Variants in TNKS1BP1 observed in about 807,000 individuals in gnomAD.
TNKS1BP1 encodes the protein CCR4-NOT transcription complex subunit 12, also known as 182 kDa tankyrase-1-binding protein.
A neutral mutation model predicts 141.1 loss-of-function variants in TNKS1BP1; 48 were observed. The ratio of observed to expected loss-of-function variants is 0.34; its 90% CI spans 0.27 to 0.43. The LOEUF (loss-of-function observed/expected upper bound fraction) is 0.43, where lower values mean the gene tolerates loss of function less well. TNKS1BP1 is among the 20% of genes least tolerant of loss of function. The probability of loss-of-function intolerance (pLI) is 1.00; values close to 1 mark genes in which losing one functional copy is unlikely to be tolerated. For missense variants in TNKS1BP1, 2,149 were observed against 2,226.0 expected (o/e 0.97, Z 0.70); for synonymous variants, 875 against 898.2 (o/e 0.97, Z 0.46).
At chr11:57,305,226 T>C (rs1855590936) in intron 6 of TNKS1BP1, among the ~76,000 whole-genome samples, 1 of 152,228 alleles carries the variant, frequency 6.6e-6, no homozygotes, top group Non-Finnish European at 1.5e-5. Context: ...CACAAGTTAT[T>C]TGTCCCACTC....
At chr11:57,301,664 G>T in intron 9 of TNKS1BP1, 143 bp downstream of exon 9, 1 of 1,154,286 alleles carries the variant, frequency 8.7e-7, no homozygotes, top group Non-Finnish European at 1.2e-6. Flanking sequence ...ATCTTCTGGA[G>T]CCCTCGATGG....
intron 4 of TNKS1BP1, among the ~76,000 whole-genome samples, chr11:57,317,616 C>A (rs1220950967): frequency 1.3e-5 from 2 of 152,214 alleles, no homozygotes; most frequent in African/African-American, 4.8e-5. Context: ...GGCCTCATGG[C>A]CTTAACCACA....
rs367695396 is a variant in TNKS1BP1, at chr11:57,321,892, C to T, written c.-7G>A. 22 of 1,613,780 alleles carry T rather than the reference C, an allele frequency of 1.4e-5. No homozygotes were observed. Among genetic ancestry groups the T allele is most frequent in the African/African-American group, 1.1e-4 (8 of 74,894 alleles). Reference sequence around the variant, plus strand: ...TGAGAGTAGACACTTTCATCACATGCGGCAGACCCTCCTTGAGAGCGGGGA... The same window carrying T: ...TGAGAGTAGACACTTTCATCACATGTGGCAGACCCTCCTTGAGAGCGGGGA... On this transcript the variant is annotated 5_prime_UTR_variant, in exon 2 of 12. Coordinates refer to ENST00000358252, the MANE Select transcript of TNKS1BP1 (RefSeq NM_033396.3).
chr11:57,324,525 A>G, intron 1 of TNKS1BP1, among the ~76,000 whole-genome samples: 1 of 150,512 alleles, frequency 6.6e-6, no homozygotes, highest in African/African-American at 2.4e-5. Flanking sequence ...GAGGAAGGGG[A>G]GGCAGGGGTC....
At position 57,309,035 on chromosome 11, in the gene TNKS1BP1, CCTT is replaced by C; in HGVS notation, c.3673_3675del (p.Lys1225del). The stretch of plus-strand genomic sequence containing the variant: ...TTCACATTAACATCAGAAGTCCAGT[CCTT>C]CTCCCCAACTCCGATTCCCCCCGGC... On this transcript the variant is annotated inframe_deletion, in exon 6 of 12. Coordinates refer to ENST00000358252, the MANE Select transcript of TNKS1BP1 (RefSeq NM_033396.3). This position sits in a 1 kb window ranked among gnomAD's most constrained non-coding sequence, Gnocchi z 4.3. 6.2e-7 allele frequency: 1 copy of C among 1,614,190 alleles called. No individual in the cohort carries two copies. Among genetic ancestry groups the C allele is most frequent in the Non-Finnish European group, 8.5e-7 (1 of 1,180,022 alleles).
chr11:57,306,920 T>TGGGG (rs1565039405), intron 6 of TNKS1BP1, among the ~76,000 whole-genome samples: 104 of 31,064 alleles, frequency 3.3e-3, no homozygotes, highest in African/African-American at 7.7e-3. Context: ...GGGGGTTGGG[T>TGGGG]GGGAGGGGGG....
At position 57,301,957 on chromosome 11, in the gene TNKS1BP1, G is replaced by C; in HGVS notation, c.4835-14C>G. The C allele has an allele frequency of 6.2e-7, 1 of 1,612,352 alleles. No homozygotes were observed. The highest frequency in any genetic ancestry group is 8.5e-7 in the Non-Finnish European group (1 of 1,178,734). On this transcript the variant is annotated splice_polypyrimidine_tract_variant and intron_variant, in intron 8 of 11. Coordinates refer to ENST00000358252, the MANE Select transcript of TNKS1BP1 (RefSeq NM_033396.3). ...ATGCCCGTGGCTCTGCAAAGGCCCG[G>C]GAAAGGGGCTCAGAAAAGGCAGCAC...
At position 57,317,839 on chromosome 11, in the gene TNKS1BP1, G is replaced by A. The variant is rs753486283; in HGVS notation, c.777C>T (p.Ala259=). The A allele has an allele frequency of 3.7e-6, 6 of 1,613,840 alleles. No individual in the cohort carries two copies. Among genetic ancestry groups the A allele is most frequent in the South Asian group, 3.3e-5 (3 of 91,086 alleles). ...TCACATCAGCAGGTAGCTCCGAGCT[G>A]GCTGCCTTAGCCAGGTCCCCGTTGA... ...LAFNGDLAKA[A]SSELPADISK... is the part of the protein sequence containing the mutation. The change falls in exon 4 of 12, where the codon GCC becomes GCT. Residue 259 remains alanine (A), a synonymous_variant. Transcript: ENST00000358252.
In TNKS1BP1 at chr11:57,308,512, C is replaced by A; in HGVS notation, c.4199G>T (p.Gly1400Val). The A allele has an allele frequency of 6.2e-7, 1 of 1,614,174 alleles. No individual in the cohort carries two copies. Among genetic ancestry groups the A allele is most frequent in the Non-Finnish European group, 8.5e-7 (1 of 1,180,036 alleles). The change falls in exon 6 of 12, where the codon GGG (glycine) becomes GTG (valine). Residue 1400 changes from glycine to valine, a missense_variant. Physicochemically the swap from Gly to Val is moderately radical, Grantham distance 109. Coordinates refer to ENST00000358252, the MANE Select transcript of TNKS1BP1 (RefSeq NM_033396.3). ...ARDPLEAREL[G>V]VGETSGPETQ... ...CTCTGGCCCACTTGTCTCACCAACCCCCAGCTCCCTGGCCTCCAAGGGGTC... is the reference window on the plus strand; with the variant it reads ...CTCTGGCCCACTTGTCTCACCAACCACCAGCTCCCTGGCCTCCAAGGGGTC...
rs1421607118 is a variant in TNKS1BP1 at position 57,310,478 on chromosome 11, G to A, written c.2233C>T (p.Pro745Ser). 6.2e-7 allele frequency: 1 copy of A among 1,612,638 alleles called. No homozygotes were observed. The highest frequency in any genetic ancestry group is 8.5e-7 in the Non-Finnish European group (1 of 1,180,024). The change falls in exon 6 of 12, where the codon CCT becomes TCT. Residue 745 changes from proline (P) to serine (S), a missense_variant. Physicochemically the swap from Pro to Ser is moderately conservative, Grantham distance 74. Coordinates refer to ENST00000358252, the MANE Select transcript of TNKS1BP1 (RefSeq NM_033396.3). ...GAAGCACCTTGACACCAGCTGGAAG[G>A]ACTGAAACTGCTGGGCTGTGGGTCT... ...TGDPQPSSFS[P>S]SSWCQGASQD... is the part of the protein sequence containing the mutation.
intron 10 of TNKS1BP1, 129 bp from the exon 11 acceptor site, chr11:57,300,729 A>G (rs34076116): frequency 0.043 from 64,371 of 1,504,562 alleles, 1,717 homozygotes; most frequent in South Asian, 0.047. Flanking sequence ...GCAGGGACCC[A>G]AATTCTGACA....
chr11:57,324,850 G>T lies in TNKS1BP1; in HGVS notation c.-76C>A. On this transcript the variant is annotated 5_prime_UTR_variant, in exon 1 of 12. Coordinates refer to ENST00000358252, the MANE Select transcript of TNKS1BP1 (RefSeq NM_033396.3). ...CCCCCGCGCACTCACGCGCTCGCCC[G>T]GGGTCCGGCTCCGCTCGGCTCGGGG... 1.0e-6 allele frequency: 1 copy of T among 984,004 alleles called. No individual in the cohort carries two copies. Among genetic ancestry groups the T allele is most frequent in the South Asian group, 4.5e-5 (1 of 22,048 alleles). The allele number at this position is 984,004 out of a possible 1,614,324, so 61.0% of individuals were successfully genotyped here.
chr11:57,311,637 G>GC (rs1855714360), intron 5 of TNKS1BP1, among the ~76,000 whole-genome samples: 1 of 151,952 alleles, frequency 6.6e-6, no homozygotes, highest in African/African-American at 2.4e-5. Flanking sequence ...GCCCCCAGAG[G>GC]CCCCCTGGCT....
chr11:57,304,273 G>C (rs939468966), intron 6 of TNKS1BP1, among the ~76,000 whole-genome samples: 2 of 152,118 alleles, frequency 1.3e-5, no homozygotes, highest in African/African-American at 2.4e-5. Flanking sequence ...CAGGAAGAGG[G>C]GGCAGGGAGA....
chr11:57,313,823 C>A lies in TNKS1BP1; in HGVS notation c.865G>T (p.Gly289Cys). ...GAGCCTGAGGCTTCTGCGGGGAGGCCTGGGCTGGCAGGGCCTCCATTCTCT... is the reference window on the plus strand; with the variant it reads ...GAGCCTGAGGCTTCTGCGGGGAGGCATGGGCTGGCAGGGCCTCCATTCTCT... ...SSENGGPASP[G>C]LPAEASGSGP... Residue 289 changes from glycine (G) to cysteine (C), a missense_variant, in exon 5 of 12, where the codon GGC (glycine) becomes TGC (cysteine). By Grantham distance (159) the Gly-to-Cys change is radical (BLOSUM62 -3). Transcript: ENST00000358252. 6.5e-7 allele frequency: 1 copy of A among 1,546,760 alleles called. No homozygotes were observed. The highest frequency in any genetic ancestry group is 8.7e-7 in the Non-Finnish European group (1 of 1,150,600).
chr11:57,308,969 T>C lies in TNKS1BP1; in HGVS notation c.3742A>G (p.Ser1248Gly). Residue 1248 changes from serine (S) to glycine (G), a missense_variant, in exon 6 of 12, where the codon AGC becomes GGC. Coordinates refer to ENST00000358252, the MANE Select transcript of TNKS1BP1 (RefSeq NM_033396.3). ...CCCACGCCACTCTCTCTGGCCTGGC[T>C]GTGGCCTCCTCCCTCCCCGACCTCA... ...LAEVGEGGGH[S>G]QARESGVGQT... 2 of 1,614,174 alleles carry C rather than the reference T, an allele frequency of 1.2e-6. No homozygotes were observed. Among genetic ancestry groups the C allele is most frequent in the East Asian group, 2.2e-5 (1 of 44,884 alleles).
rs375328461 is a variant in TNKS1BP1 at position 57,320,581 on chromosome 11, G to A, written c.226C>T (p.Pro76Ser). ...AGCATGTTCATCTTCCTGGCAGAAG[G>A]CAACTCAGCCAGGGGACCCCGGGGA... ...RPPRGPLAELPSARKMNMLAG... is the reference protein window; with the variant it reads ...RPPRGPLAELSSARKMNMLAG... The change falls in exon 3 of 12, where the codon CCT (proline) becomes TCT (serine). Residue 76 changes from proline (P) to serine (S), a missense_variant. Physicochemically the swap from Pro to Ser is moderately conservative, Grantham distance 74. Transcript: ENST00000358252. The A allele has an allele frequency of 1.4e-5, 22 of 1,613,952 alleles. No individual in the cohort carries two copies. The highest frequency in any genetic ancestry group is 1.9e-5 in the Non-Finnish European group (22 of 1,180,012).
chr11:57,311,365 G>GC (rs1038102943), intron 5 of TNKS1BP1: 1 of 985,698 alleles, frequency 1.0e-6, no homozygotes, highest in Non-Finnish European at 1.2e-6. Flanking sequence ...CTGGGCCATG[G>GC]CCCCCCGCCC....
rs1855780755 is a variant in TNKS1BP1 at position 57,315,261 on chromosome 11, C to G, written c.799-1372G>C. On this transcript the variant is annotated intron_variant, in intron 4 of 11. Transcript: ENST00000358252. ...CCACCGCCTATCTGACCGGCTCACT[C>G]TATTTCCCCAACGCCCTTATTTTCA... Among the ~76,000 whole-genome samples, 8 of 152,124 alleles carry G rather than the reference C, an allele frequency of 5.3e-5. No homozygotes were observed. The South Asian group carries it at 1.2e-3, about 24-fold the overall frequency.
Sources: gnomAD v4.1 joint callset for allele counts (sites outside exome capture counted in the v4.1 genomes callset) on GRCh38, gnomAD v4.1.1 for gene constraint, Gnocchi (gnomAD v3.1) non-coding constraint, MANE v1.5 for transcripts, NCBI Gene and HGNC (gene_info 2026-07-23, HGNC 2026-07-21) for gene names.